KCTD8: variants seen among roughly 807,000 people sequenced by gnomAD.
The protein encoded by KCTD8 is BTB/POZ domain-containing protein KCTD8.
KCTD8 carries 27 observed loss-of-function variants against 31.5 expected under a neutral mutation model. That is an observed-to-expected ratio of 0.86 (90% confidence interval 0.63 to 1.18). The LOEUF (loss-of-function observed/expected upper bound fraction) is 1.18, where lower values mean the gene tolerates loss of function less well. Among genes scored for constraint, KCTD8 ranks in the 50% most tolerant of loss-of-function variants. KCTD8 has a pLI of 0.00. For synonymous variants in KCTD8, 290 were observed against 280.0 expected (o/e 1.04, Z -0.36); for missense variants, 658 against 647.7 (o/e 1.02, Z -0.17).
At chr4:44,302,147 A>C (rs1247432276) in intron 1 of KCTD8, among the ~76,000 whole-genome samples, 2 of 152,262 alleles carry the variant, frequency 1.3e-5, no homozygotes, top group East Asian at 1.9e-4. Context: ...GAAGTCAGGT[A>C]GCGTGATGCC....
chr4:44,353,466 T>C (rs1719265410), intron 1 of KCTD8, among the ~76,000 whole-genome samples: 1 of 152,070 alleles, frequency 6.6e-6, no homozygotes, highest in South Asian at 2.1e-4. Flanking sequence ...TATCATTTCT[T>C]TAAGAACAGA....
At chr4:44,242,150 G>GCTTA (rs1715521137) in intron 1 of KCTD8, among the ~76,000 whole-genome samples, 1 of 152,044 alleles carries the variant, frequency 6.6e-6, no homozygotes, top group South Asian at 2.1e-4. Context: ...AACAACAAGG[G>GCTTA]CTTACTATGT....
chr4:44,243,657 A>G (rs1012525079), intron 1 of KCTD8, among the ~76,000 whole-genome samples: 19 of 152,344 alleles, frequency 1.2e-4, no homozygotes, highest in Non-Finnish European at 2.6e-4. Flanking sequence ...AATGTGACTC[A>G]GAGATGTTAA....
intron 1 of KCTD8, among the ~76,000 whole-genome samples, chr4:44,373,721 A>G (rs1351952679): frequency 6.6e-6 from 1 of 152,114 alleles, no homozygotes; most frequent in African/African-American, 2.4e-5. Context: ...AACATCATTA[A>G]CAGATTGTTT....
At chr4:44,373,074 G>A (rs1248598541) in intron 1 of KCTD8, among the ~76,000 whole-genome samples, 2 of 151,994 alleles carry the variant, frequency 1.3e-5, no homozygotes, top group African/African-American at 4.8e-5. Flanking sequence ...CTCAAAAAAG[G>A]TCAATAGAGG....
chr4:44,363,947 A>G (rs1216062782), intron 1 of KCTD8, among the ~76,000 whole-genome samples: 1 of 152,152 alleles, frequency 6.6e-6, no homozygotes, highest in African/African-American at 2.4e-5. Context: ...TCAACTAAAA[A>G]TGGATAATGG....
At chr4:44,369,989 C>T (rs1321955053) in intron 1 of KCTD8, among the ~76,000 whole-genome samples, 1 of 152,016 alleles carries the variant, frequency 6.6e-6, no homozygotes, top group African/African-American at 2.4e-5. Flanking sequence ...TTAAAAAATA[C>T]CTACATATTT....
At chr4:44,314,639 T>C (rs976905610) in intron 1 of KCTD8, among the ~76,000 whole-genome samples, 2 of 152,084 alleles carry the variant, frequency 1.3e-5, no homozygotes, top group South Asian at 2.1e-4. Context: ...TCTATGCATA[T>C]ATAAATATAC....
chr4:44,291,138 G>C (rs1157192149), intron 1 of KCTD8, among the ~76,000 whole-genome samples: 3 of 152,028 alleles, frequency 2.0e-5, no homozygotes. Flanking sequence ...CATTACAATT[G>C]ATCCCACAGA....
In KCTD8 at chr4:44,271,474, G is replaced by T. The variant is rs192016873; in HGVS notation, c.962-96224C>A. Among the ~76,000 whole-genome samples the T allele has an allele frequency of 7.2e-5, 11 of 152,158 alleles. No homozygotes were observed. In the East Asian group the frequency reaches 2.1e-3, roughly 29 times the overall value. On this transcript the variant is annotated intron_variant, in intron 1 of 1. Coordinates refer to ENST00000360029, the MANE Select transcript of KCTD8 (RefSeq NM_198353.3). ...ACAGTTTACTGAGTGTGTGACTGCT[G>T]GGGATAGGCCCCCAAATCTGCCCAT...
chr4:44,439,900 T>TTATATTTA (rs369938951), intron 1 of KCTD8, among the ~76,000 whole-genome samples: 9,314 of 133,346 alleles, frequency 0.07, 389 homozygotes, highest in Non-Finnish European at 0.087. Flanking sequence ...AATCATTTAT[T>TTATATTTA]TTTATTTATT....
chr4:44,222,053 T>C (rs757857456), intron 1 of KCTD8, among the ~76,000 whole-genome samples: 11 of 152,202 alleles, frequency 7.2e-5, no homozygotes, highest in Non-Finnish European at 1.0e-4. Flanking sequence ...ATAAATGTAA[T>C]GTACTGGATC....
intron 1 of KCTD8, among the ~76,000 whole-genome samples, chr4:44,304,772 C>T (rs1364450038): frequency 6.6e-6 from 1 of 151,920 alleles, no homozygotes; most frequent in Non-Finnish European, 1.5e-5. Context: ...ACAGATAATT[C>T]AGGGGGGTTA....
intron 1 of KCTD8, among the ~76,000 whole-genome samples, chr4:44,315,880 CTAAA>C (rs1718094635): frequency 1.3e-5 from 2 of 151,944 alleles, no homozygotes; most frequent in African/African-American, 4.8e-5. Context: ...TTATTTCTTT[CTAAA>C]TAGTTTTAAG....
chr4:44,263,590 TACAGGAAAGA>T (rs1415858156), intron 1 of KCTD8, among the ~76,000 whole-genome samples: 3 of 151,964 alleles, frequency 2.0e-5, no homozygotes, highest in Non-Finnish European at 2.9e-5. Context: ...TAAATGGAAA[TACAGGAAAGA>T]ACAGGAAAGA....
chr4:44,396,608 A>T (rs1190520257), intron 1 of KCTD8, among the ~76,000 whole-genome samples: 1 of 152,134 alleles, frequency 6.6e-6, no homozygotes, highest in Non-Finnish European at 1.5e-5. Flanking sequence ...AGGCACACAA[A>T]ACACAAAACA....
At chr4:44,400,537 T>C (rs935941066) in intron 1 of KCTD8, among the ~76,000 whole-genome samples, 10 of 151,954 alleles carry the variant, frequency 6.6e-5, no homozygotes, top group African/African-American at 1.9e-4. Flanking sequence ...GAGACCAGCC[T>C]GGCCAACATG....
intron 1 of KCTD8, among the ~76,000 whole-genome samples, chr4:44,385,406 C>A (rs775913928): frequency 1.3e-5 from 2 of 151,598 alleles, no homozygotes; most frequent in African/African-American, 4.8e-5. Flanking sequence ...CTTACTTATA[C>A]GGTAAAATGA....
At chr4:44,275,646 A>G (rs953634504) in intron 1 of KCTD8, among the ~76,000 whole-genome samples, 3 of 152,092 alleles carry the variant, frequency 2.0e-5, no homozygotes, top group African/African-American at 7.2e-5. Flanking sequence ...TAATCTTAAA[A>G]TGTAAATGCA....
Sources: gnomAD v4.1 joint callset for allele counts (sites outside exome capture counted in the v4.1 genomes callset) on GRCh38, gnomAD v4.1.1 for gene constraint, MANE v1.5 for transcripts, NCBI Gene and HGNC (gene_info 2026-07-23, HGNC 2026-07-21) for gene names.